SHROOM3: variants seen among roughly 807,000 people sequenced by gnomAD.
The protein encoded by SHROOM3 is shroom family member 3.
Under a neutral mutation model 138.6 loss-of-function variants are expected in SHROOM3, and 47 were observed. The ratio of observed to expected loss-of-function variants is 0.34; its 90% CI spans 0.27 to 0.43. The LOEUF is 0.43. SHROOM3 is among the 20% of genes least tolerant of loss of function. The probability of loss-of-function intolerance (pLI) is 1.00; values close to 1 mark genes in which losing one functional copy is unlikely to be tolerated. For missense variants in SHROOM3, 2,491 were observed against 2,596.5 expected (o/e 0.96, Z 0.88); for synonymous variants, 1,062 against 1,063.3 (o/e 1.00, Z 0.02).
At chr4:76,549,649 G>A (rs762929954) in intron 1 of SHROOM3, among the ~76,000 whole-genome samples, 9 of 152,140 alleles carry the variant, frequency 5.9e-5, no homozygotes, top group Non-Finnish European at 1.0e-4. Flanking sequence ...TTATAGGTGT[G>A]AGCCACTGCG....
In SHROOM3 at chr4:76,739,987, G is replaced by A; in HGVS notation, c.1814G>A (p.Cys605Tyr). ...TCTTCTCATCCCCACAGCCTCAAAT[G>A]CCCTCAGGCTCAGGCCTGGCAAGCG... ...KPSSHPHSLK[C>Y]PQAQAWQAGE... The change falls in exon 5 of 11, where the codon TGC becomes TAC. Residue 605 changes from cysteine (C) to tyrosine (Y), a missense_variant. This residue lies in a region of SHROOM3 where 1,733 missense variants were observed against 1,661.6 expected (regional missense o/e 1.04). Coordinates refer to ENST00000296043, the MANE Select transcript of SHROOM3 (RefSeq NM_020859.4). 19 of 1,614,012 alleles carry A rather than the reference G, an allele frequency of 1.2e-5. No homozygotes were observed. The highest frequency in any genetic ancestry group is 1.5e-5 in the Non-Finnish European group (18 of 1,180,024).
At chr4:76,746,781 CATT>C (rs199823641) in intron 5 of SHROOM3, among the ~76,000 whole-genome samples, 35,661 of 140,160 alleles carry the variant, frequency 0.25, 4,700 homozygotes, top group Middle Eastern at 0.38. Context: ...TTTAGATTTA[CATT>C]ATTATTATTA....
At chr4:76,772,979 T>G (rs2109794275) in intron 10 of SHROOM3, among the ~76,000 whole-genome samples, 1 of 152,258 alleles carries the variant, frequency 6.6e-6, no homozygotes, top group East Asian at 1.9e-4. Flanking sequence ...TTAGAAGAAA[T>G]ACCATAGACA....
chr4:76,456,802 AAG>A (rs1267668945), intron 1 of SHROOM3, among the ~76,000 whole-genome samples: 1 of 152,210 alleles, frequency 6.6e-6, no homozygotes, highest in African/African-American at 2.4e-5. Flanking sequence ...TGAGTCCGAA[AAG>A]AGAGTCAGCA....
chr4:76,732,552 A>T (rs558261733), intron 4 of SHROOM3, among the ~76,000 whole-genome samples: 57 of 152,302 alleles, frequency 3.7e-4, no homozygotes, highest in African/African-American at 1.3e-3. Context: ...GTCCTTCCCA[A>T]TCACCCTGAA....
At chr4:76,563,976 G>A (rs559254082) in intron 2 of SHROOM3, among the ~76,000 whole-genome samples, 4 of 152,208 alleles carry the variant, frequency 2.6e-5, no homozygotes, top group African/African-American at 7.2e-5. Context: ...AAGCACAGGA[G>A]CTGAAGTGGC....
intron 1 of SHROOM3, among the ~76,000 whole-genome samples, chr4:76,471,803 G>A (rs1731380490): frequency 6.6e-6 from 1 of 152,152 alleles, no homozygotes; most frequent in Admixed American, 6.5e-5. Context: ...AGACACCAAG[G>A]ATGCAGTGAG....
At chr4:76,539,997 G>A (rs1178791029) in intron 1 of SHROOM3, among the ~76,000 whole-genome samples, 2 of 152,134 alleles carry the variant, frequency 1.3e-5, no homozygotes, top group South Asian at 2.1e-4. Context: ...ACAGGGGTGC[G>A]GCACCATGCC....
At chr4:76,602,943 T>C (rs1264359995) in intron 2 of SHROOM3, among the ~76,000 whole-genome samples, 1 of 152,208 alleles carries the variant, frequency 6.6e-6, no homozygotes, top group Non-Finnish European at 1.5e-5. Flanking sequence ...AACTAGCACA[T>C]AGTAAATGCT....
At chr4:76,685,839 A>T (rs1167548736) in intron 2 of SHROOM3, among the ~76,000 whole-genome samples, 1 of 152,134 alleles carries the variant, frequency 6.6e-6, no homozygotes, top group African/African-American at 2.4e-5. Context: ...TTAGCCAGGC[A>T]TTGTGGTATG....
chr4:76,541,623 G>GCACACACACACACACA (rs751594734), intron 1 of SHROOM3, among the ~76,000 whole-genome samples: 80 of 140,170 alleles, frequency 5.7e-4, no homozygotes, highest in African/African-American at 1.8e-3. Context: ...ACATATGTGG[G>GCACACACACACACACA]CGCACACACA....
rs963951786 is a variant in SHROOM3 at position 76,748,921 on chromosome 4, TA to T, written c.3754-93del. ...TGGCCTGACAATAGTAGGTTGCCAGTAAATAGGTGTTCCTTCTCCTTTTTAC... is the reference window on the plus strand; with the variant it reads ...TGGCCTGACAATAGTAGGTTGCCAGTAATAGGTGTTCCTTCTCCTTTTTAC... On this transcript the variant is annotated intron_variant, in intron 5 of 10. Transcript: ENST00000296043. The T allele has an allele frequency of 2.6e-6, 3 of 1,161,690 alleles. No homozygotes were observed. In the African/African-American group the frequency reaches 4.6e-5, roughly 18 times the overall value. 72.0% of individuals were successfully genotyped at this position (1,161,690 alleles called of 1,614,324 possible).
At chr4:76,646,079 G>A (rs1190767396) in intron 2 of SHROOM3, among the ~76,000 whole-genome samples, 1 of 151,860 alleles carries the variant, frequency 6.6e-6, no homozygotes, top group Non-Finnish European at 1.5e-5. Context: ...AACCCGTTGA[G>A]GGAGGGGGAA....
At chr4:76,643,187 G>A (rs907210593) in intron 2 of SHROOM3, among the ~76,000 whole-genome samples, 13 of 141,886 alleles carry the variant, frequency 9.2e-5, no homozygotes, top group African/African-American at 2.9e-4. Context: ...GTACTCCATC[G>A]TGCCATTTTT....
In SHROOM3 at chr4:76,484,961, C is replaced by A. The variant is rs115841427; in HGVS notation, c.168+48741C>A. 7.2e-3 allele frequency among the ~76,000 whole-genome samples: 1,102 copies of A among 152,216 alleles called. 7 individuals carry two copies. Among genetic ancestry groups the A allele is most frequent in the Admixed American group, 0.011 (168 of 15,284 alleles). On this transcript the variant is annotated intron_variant, in intron 1 of 10. Coordinates refer to ENST00000296043, the MANE Select transcript of SHROOM3 (RefSeq NM_020859.4). The stretch of plus-strand genomic sequence containing the variant: ...GCTCTGCCCACCAAAATATAACCAC[C>A]CACAGTCTCTGTTCAGAGATGGAAT...
chr4:76,587,791 A>G (rs1734184334), intron 2 of SHROOM3, among the ~76,000 whole-genome samples: 1 of 152,236 alleles, frequency 6.6e-6, no homozygotes, highest in Admixed American at 6.5e-5. Context: ...TATAGTGTAT[A>G]TGCAAGTGAT....
chr4:76,758,337 A>G (rs529848680), intron 8 of SHROOM3: 1 of 152,304 alleles, frequency 6.6e-6, no homozygotes, highest in African/African-American at 2.4e-5. Flanking sequence ...CTGAAGGACC[A>G]AAGTAACATC....
intron 1 of SHROOM3, among the ~76,000 whole-genome samples, chr4:76,508,079 AT>A (rs1732251280): frequency 6.6e-6 from 1 of 151,890 alleles, no homozygotes; most frequent in African/African-American, 2.4e-5. Context: ...TGTCCAATTT[AT>A]TTTTTTCTTT....
At chr4:76,760,041 G>A (rs1482653506) in intron 9 of SHROOM3, among the ~76,000 whole-genome samples, 2 of 152,206 alleles carry the variant, frequency 1.3e-5, no homozygotes, top group Non-Finnish European at 2.9e-5. Flanking sequence ...CTCAGCTGCT[G>A]GTTGGCCAGT....
Sources: gnomAD v4.1 joint callset for allele counts (sites outside exome capture counted in the v4.1 genomes callset) on GRCh38, gnomAD v4.1.1 for gene constraint, gnomAD v4.1.1 regional missense constraint, MANE v1.5 for transcripts, NCBI Gene and HGNC (gene_info 2026-07-23, HGNC 2026-07-21) for gene names.